RBMS3: variants seen among roughly 807,000 people sequenced by gnomAD.
RBMS3 encodes the protein RNA-binding motif, single-stranded-interacting protein 3.
A neutral mutation model predicts 66.8 loss-of-function variants in RBMS3; 27 were observed. The observed-to-expected ratio is 0.40, with a 90% confidence interval of 0.30 to 0.56. The LOEUF (loss-of-function observed/expected upper bound fraction) is 0.56, where lower values mean the gene tolerates loss of function less well. RBMS3 is among the 20% of genes least tolerant of loss of function. The probability of loss-of-function intolerance (pLI) is 0.40; values close to 1 mark genes in which losing one functional copy is unlikely to be tolerated. For synonymous variants in RBMS3, 188 were observed against 183.0 expected, an observed-to-expected ratio of 1.03 and a Z score of -0.22; for missense variants, 513 against 549.5, an observed-to-expected ratio of 0.93 and a Z score of 0.66.
chr3:29,888,855 G>A (rs1228527324), intron 8 of RBMS3, among the ~76,000 whole-genome samples: 1 of 151,472 alleles, frequency 6.6e-6, no homozygotes, highest in Non-Finnish European at 1.5e-5. Flanking sequence ...ATCTGTATCC[G>A]ATGTATATCT....
chr3:29,958,771 TC>T (rs1696209512), intron 12 of RBMS3, among the ~76,000 whole-genome samples: 1 of 152,218 alleles, frequency 6.6e-6, no homozygotes, highest in Non-Finnish European at 1.5e-5. Context: ...TTCTTAGCAG[TC>T]TCACCAAGAG....
chr3:29,878,878 C>A, intron 7 of RBMS3, among the ~76,000 whole-genome samples: 1 of 150,916 alleles, frequency 6.6e-6, no homozygotes, highest in African/African-American at 2.4e-5. Context: ...CCCATCTCTA[C>A]AAAAAAAAAT....
intron 1 of RBMS3, among the ~76,000 whole-genome samples, chr3:29,300,138 G>A (rs2033573277): frequency 6.6e-6 from 1 of 151,912 alleles, no homozygotes; most frequent in Non-Finnish European, 1.5e-5. Flanking sequence ...GGTTTTTAAA[G>A]AGTTAAACAT....
At chr3:29,781,531 T>G (rs2056631298) in intron 6 of RBMS3, among the ~76,000 whole-genome samples, 1 of 152,184 alleles carries the variant, frequency 6.6e-6, no homozygotes, top group Non-Finnish European at 1.5e-5. Context: ...TTATAAAAAT[T>G]TTGGTATTAT....
At chr3:29,801,069 C>T (rs934090617) in intron 6 of RBMS3, among the ~76,000 whole-genome samples, 1 of 151,754 alleles carries the variant, frequency 6.6e-6, no homozygotes, top group Non-Finnish European at 1.5e-5. Context: ...AGTTGTACTA[C>T]TGAAAGTCAG....
intron 3 of RBMS3, among the ~76,000 whole-genome samples, chr3:29,575,252 T>C (rs530132501): frequency 4.6e-5 from 7 of 152,108 alleles, no homozygotes; most frequent in Admixed American, 6.5e-5. Flanking sequence ...TTGAAGGATA[T>C]CTTTGTCGGA....
At chr3:29,423,793 T>C (rs2040841014) in intron 1 of RBMS3, among the ~76,000 whole-genome samples, 1 of 152,232 alleles carries the variant, frequency 6.6e-6, no homozygotes, top group African/African-American at 2.4e-5. Flanking sequence ...TGAATTTAAA[T>C]AGCTGCATGC....
At chr3:29,640,414 A>G (rs1031928245) in intron 4 of RBMS3, among the ~76,000 whole-genome samples, 64 of 152,062 alleles carry the variant, frequency 4.2e-4, no homozygotes, top group African/African-American at 1.4e-3. Flanking sequence ...TCATTCTTAG[A>G]CATTTTAAAC....
chr3:29,554,912 A>G (rs545800382), intron 3 of RBMS3, among the ~76,000 whole-genome samples: 6 of 152,148 alleles, frequency 3.9e-5, no homozygotes, highest in Non-Finnish European at 8.8e-5. Flanking sequence ...TAGGGCCATG[A>G]TTAGATTAGT....
intron 1 of RBMS3, among the ~76,000 whole-genome samples, chr3:29,345,261 TAA>T (rs1438973060): frequency 6.6e-6 from 1 of 152,232 alleles, no homozygotes; most frequent in Non-Finnish European, 1.5e-5. Context: ...GTCTTGTCTA[TAA>T]TTTCCCTTGT....
At chr3:29,727,649 G>A (rs377441370) in intron 4 of RBMS3, among the ~76,000 whole-genome samples, 19 of 152,062 alleles carry the variant, frequency 1.2e-4, no homozygotes, top group East Asian at 1.2e-3. Flanking sequence ...AATCGAAACC[G>A]CAATGAGATA....
At chr3:29,340,603 T>C (rs781200447) in intron 1 of RBMS3, among the ~76,000 whole-genome samples, 17 of 152,170 alleles carry the variant, frequency 1.1e-4, no homozygotes, top group Non-Finnish European at 2.5e-4. Context: ...ACATCTTTTC[T>C]TCTGTTCAAA....
chr3:29,973,776 C>T (rs1210457723), intron 12 of RBMS3, among the ~76,000 whole-genome samples: 1 of 151,928 alleles, frequency 6.6e-6, no homozygotes. Context: ...CAGTTTCACA[C>T]ATATCACATT....
At chr3:29,412,655 A>G (rs1194162245) in intron 1 of RBMS3, among the ~76,000 whole-genome samples, 15 of 152,204 alleles carry the variant, frequency 9.9e-5, no homozygotes, top group African/African-American at 2.4e-5. Flanking sequence ...CCAAGTATGT[A>G]TATGTAAGTG....
At chr3:29,485,338 A>C (rs887225119) in intron 2 of RBMS3, among the ~76,000 whole-genome samples, 2 of 152,268 alleles carry the variant, frequency 1.3e-5, no homozygotes, top group African/African-American at 4.8e-5. Flanking sequence ...AAATGTAATA[A>C]GCAAATAGTT....
intron 9 of RBMS3, among the ~76,000 whole-genome samples, chr3:29,898,277 A>C (rs1430168822): frequency 6.6e-6 from 1 of 151,718 alleles, no homozygotes; most frequent in Non-Finnish European, 1.5e-5. Context: ...CTGCACGTAG[A>C]AAGTGTCTAG....
chr3:29,562,184 T>G (rs1229095056), intron 3 of RBMS3, among the ~76,000 whole-genome samples: 1 of 152,150 alleles, frequency 6.6e-6, no homozygotes, highest in East Asian at 1.9e-4. Context: ...GCCAGACATA[T>G]CCCAGGCAAG....
rs72852352 is a variant in RBMS3 at position 29,396,096 on chromosome 3, G to C, written c.76-38647G>C. Among the ~76,000 whole-genome samples, 71 of 152,082 alleles carry C rather than the reference G, an allele frequency of 4.7e-4. 1 individual carries two copies. Among genetic ancestry groups the C allele is most frequent in the South Asian group, 2.1e-4 (1 of 4,836 alleles). Reference sequence around the variant, plus strand: ...GATGAACATCAACAATGAGGCGCAGGTGGATATCATGTGCCTATGGATAGA... The same window carrying C: ...GATGAACATCAACAATGAGGCGCAGCTGGATATCATGTGCCTATGGATAGA... On this transcript the variant is annotated intron_variant, in intron 1 of 14. Transcript: ENST00000383767.
At chr3:29,662,981 G>C (rs1444944019) in intron 4 of RBMS3, among the ~76,000 whole-genome samples, 1 of 152,204 alleles carries the variant, frequency 6.6e-6, no homozygotes, top group Non-Finnish European at 1.5e-5. Flanking sequence ...CAAGAGGGAA[G>C]ACAGTAGAAT....
Sources: allele counts gnomAD v4.1 joint callset (sites outside exome capture counted in the v4.1 genomes callset), GRCh38; gene constraint gnomAD v4.1.1; transcripts MANE v1.5; gene names NCBI Gene and HGNC (gene_info 2026-07-23, HGNC 2026-07-21).